Variants in CD38 observed in about 807,000 individuals in gnomAD.
The protein encoded by CD38 is CD38 molecule, also known as ADP-ribosyl cyclase/cyclic ADP-ribose hydrolase 1.
Under a neutral mutation model 36.3 loss-of-function variants are expected in CD38, and 31 were observed. The ratio of observed to expected loss-of-function variants is 0.85; its 90% CI spans 0.64 to 1.15. The LOEUF is 1.15. Ranked by LOEUF, CD38 falls within the 50% of genes most tolerant of loss-of-function variation. The pLI is 0.00. For synonymous variants in CD38, 131 were observed against 135.2 expected, an observed-to-expected ratio of 0.97 and a Z score of 0.22; for missense variants, 380 against 371.9, an observed-to-expected ratio of 1.02 and a Z score of -0.18.
chr4:15,808,270 G>C (rs1223104159), intron 1 of CD38, among the ~76,000 whole-genome samples: 3 of 152,160 alleles, frequency 2.0e-5, no homozygotes, highest in African/African-American at 7.2e-5. Context: ...CTCAGCACAT[G>C]GGTCTGGGGC....
At chr4:15,848,165 T>C (rs189267205) in intron 7 of CD38, among the ~76,000 whole-genome samples, 1 of 152,348 alleles carries the variant, frequency 6.6e-6, no homozygotes, top group East Asian at 1.9e-4. Context: ...GTCATTCACC[T>C]GTTAGGTACT....
chr4:15,784,166 T>C (rs1253766978), intron 1 of CD38, among the ~76,000 whole-genome samples: 1 of 152,232 alleles, frequency 6.6e-6, no homozygotes, highest in African/African-American at 2.4e-5. Context: ...CGCTAGATTC[T>C]GCAGGGATGT....
intron 7 of CD38, 76 bp from the exon 8 acceptor site, chr4:15,848,463 G>T (rs1193199982): frequency 1.9e-6 from 2 of 1,056,274 alleles, no homozygotes; most frequent in Non-Finnish European, 1.5e-6. Context: ...TAAAAAAGGG[G>T]CTTCCTCCAT....
chr4:15,835,377 T>C (rs886376938), intron 4 of CD38, among the ~76,000 whole-genome samples: 1 of 110,190 alleles, frequency 9.1e-6, no homozygotes, highest in Admixed American at 8.5e-5. Flanking sequence ...TTTTTTTTTT[T>C]TTTTTTTTTT....
chr4:15,782,107 T>C (rs1365673573), intron 1 of CD38, among the ~76,000 whole-genome samples: 1 of 152,234 alleles, frequency 6.6e-6, no homozygotes, highest in East Asian at 1.9e-4. Flanking sequence ...TCTCTATCCA[T>C]GTGGCCTCTC....
chr4:15,838,024 T>A, intron 4 of CD38, 68 bp from the exon 5 acceptor site: 1 of 1,283,768 alleles, frequency 7.8e-7, no homozygotes, highest in Non-Finnish European at 1.1e-6. Context: ...AAGTATTGTT[T>A]TGAATGAAAC....
chr4:15,838,242 A>G (rs915983585), intron 5 of CD38, 77 bp downstream of exon 5: 1 of 1,164,796 alleles, frequency 8.6e-7, no homozygotes, highest in African/African-American at 1.5e-5. Flanking sequence ...TCTAGAAAGA[A>G]TATGCTTTTC....
chr4:15,784,261 C>T (rs1722764178), intron 1 of CD38, among the ~76,000 whole-genome samples: 1 of 152,212 alleles, frequency 6.6e-6, no homozygotes, highest in African/African-American at 2.4e-5. Context: ...CATGGAGATG[C>T]AGACGTGCCC....
chr4:15,814,853 C>T (rs1382821197), intron 1 of CD38, among the ~76,000 whole-genome samples: 1 of 151,354 alleles, frequency 6.6e-6, no homozygotes, highest in Non-Finnish European at 1.5e-5. Flanking sequence ...GTTACCCAGG[C>T]TGGAGTGCAG....
intron 1 of CD38, among the ~76,000 whole-genome samples, chr4:15,805,002 T>C (rs1284118632): frequency 6.6e-6 from 1 of 152,176 alleles, no homozygotes; most frequent in Admixed American, 6.5e-5. Flanking sequence ...ATGCATTGTA[T>C]GCACGTATTG....
intron 3 of CD38, among the ~76,000 whole-genome samples, chr4:15,832,119 C>T (rs563851266): frequency 2.5e-4 from 38 of 152,268 alleles, no homozygotes; most frequent in African/African-American, 9.1e-4. Flanking sequence ...TACTTTTCAG[C>T]TCCAGAATTT....
intron 4 of CD38, among the ~76,000 whole-genome samples, chr4:15,837,217 G>A (rs1367398920): frequency 2.6e-5 from 4 of 152,226 alleles, no homozygotes; most frequent in South Asian, 4.1e-4. Context: ...AGAGGTGCAC[G>A]TGATTGAAGG....
chr4:15,804,227 T>C (rs1262546952), intron 1 of CD38, among the ~76,000 whole-genome samples: 2 of 152,140 alleles, frequency 1.3e-5, no homozygotes, highest in African/African-American at 4.8e-5. Flanking sequence ...AATAGTTCTT[T>C]AAGAAATCTC....
In CD38 at chr4:15,791,051, G is replaced by T. The variant is rs866053682; in HGVS notation, c.233+12404G>T. On this transcript the variant is annotated intron_variant, in intron 1 of 7. Transcript: ENST00000226279. ...CCCCGTCCGGGAGGGAGGTGGGGGG[G>T]GGTCAGCCCCCCGCCCGGCCAGCTG... Among the ~76,000 whole-genome samples, 52 of 137,668 alleles carry T rather than the reference G, an allele frequency of 3.8e-4. No individual in the cohort carries two copies. The East Asian group carries it at 9.5e-3, about 25-fold the overall frequency. 90.3% of individuals were successfully genotyped at this position (137,668 alleles called of 152,430 possible).
chr4:15,837,106 T>C (rs1212761692), intron 4 of CD38, among the ~76,000 whole-genome samples: 1 of 152,232 alleles, frequency 6.6e-6, no homozygotes, highest in African/African-American at 2.4e-5. Flanking sequence ...TGGTATGTTT[T>C]AGGACAGTGC....
chr4:15,848,641 T>C lies in CD38; in HGVS notation c.*39T>C. 6.5e-7 allele frequency: 1 copy of C among 1,549,982 alleles called. No individual in the cohort carries two copies. Among genetic ancestry groups the C allele is most frequent in the Non-Finnish European group, 8.9e-7 (1 of 1,122,006 alleles). ...GTTGTTTTAGCTCCTTGACTCCTTG[T>C]GGTTTATGTCATCATACATGACTCA... is the stretch of plus-strand genomic sequence containing the variant. On this transcript the variant is annotated 3_prime_UTR_variant, in exon 8 of 8. Coordinates refer to ENST00000226279, the MANE Select transcript of CD38 (RefSeq NM_001775.4).
At chr4:15,807,959 A>G (rs1400795403) in intron 1 of CD38, among the ~76,000 whole-genome samples, 1 of 152,114 alleles carries the variant, frequency 6.6e-6, no homozygotes, top group African/African-American at 2.4e-5. Context: ...ACCCCACGAA[A>G]CCTCACTTAG....
chr4:15,795,243 C>A (rs1723082840), intron 1 of CD38, among the ~76,000 whole-genome samples: 1 of 151,674 alleles, frequency 6.6e-6, no homozygotes, highest in South Asian at 2.1e-4. Context: ...GTGTATTTCA[C>A]AGAAAAGGGC....
intron 2 of CD38, among the ~76,000 whole-genome samples, chr4:15,823,758 T>A (rs1169123252): frequency 2.0e-5 from 3 of 152,190 alleles, no homozygotes; most frequent in African/African-American, 7.2e-5. Flanking sequence ...AGTGTGGCAA[T>A]TCCTCAAAGA....
Sources: gnomAD v4.1 joint callset for allele counts (sites outside exome capture counted in the v4.1 genomes callset) on GRCh38, gnomAD v4.1.1 for gene constraint, MANE v1.5 for transcripts, NCBI Gene and HGNC (gene_info 2026-07-23, HGNC 2026-07-21) for gene names.